DIP2C: variants seen among roughly 807,000 people sequenced by gnomAD.
The protein encoded by DIP2C is DIP2 acetate--CoA ligase C (putative).
DIP2C carries 33 observed loss-of-function variants against 192.4 expected under a neutral mutation model. The observed-to-expected ratio is 0.17, with a 90% CI of 0.13 to 0.23. The LOEUF is 0.23. Ranked by LOEUF, DIP2C falls within the 10% of genes least tolerant of loss-of-function variation. The probability of loss-of-function intolerance (pLI) is 1.00; values close to 1 mark genes in which losing one functional copy is unlikely to be tolerated. For missense variants in DIP2C, 1,537 were observed against 2,110.1 expected, an observed-to-expected ratio of 0.73 and a Z score of 5.32; for synonymous variants, 979 against 864.1, an observed-to-expected ratio of 1.13 and a Z score of -2.33.
At chr10:654,039 C>G (rs1311410336) in intron 1 of DIP2C, among the ~76,000 whole-genome samples, 1 of 152,212 alleles carries the variant, frequency 6.6e-6, no homozygotes, top group African/African-American at 2.4e-5. Context: ...ATCCACCCCT[C>G]AGGAGGTCCC....
chr10:408,537 G>A (rs771370686), intron 9 of DIP2C, among the ~76,000 whole-genome samples: 1 of 152,202 alleles, frequency 6.6e-6, no homozygotes, highest in South Asian at 2.1e-4. Flanking sequence ...TCATGCTCTT[G>A]TTGGTTTATG....
chr10:396,830 G>C (rs561299434), intron 10 of DIP2C, among the ~76,000 whole-genome samples: 56 of 65,480 alleles, frequency 8.6e-4, no homozygotes, highest in Admixed American at 3.7e-3. Context: ...ATCCGGTGGG[G>C]GGGGGGGAAA....
At chr10:613,316 C>G (rs1273259890) in intron 1 of DIP2C, among the ~76,000 whole-genome samples, 1 of 152,246 alleles carries the variant, frequency 6.6e-6, no homozygotes, top group African/African-American at 2.4e-5. Context: ...AAAACGTCAG[C>G]TAGAGCCGAT....
chr10:595,837 C>T (rs1217993876), intron 1 of DIP2C, among the ~76,000 whole-genome samples: 5 of 152,196 alleles, frequency 3.3e-5, no homozygotes, highest in Admixed American at 6.5e-5. Flanking sequence ...CAGGGTCAGC[C>T]GCACTTACTA....
At chr10:550,544 C>T (rs1564840568) in intron 1 of DIP2C, among the ~76,000 whole-genome samples, 1 of 152,136 alleles carries the variant, frequency 6.6e-6, no homozygotes, top group Non-Finnish European at 1.5e-5. Context: ...TATCAACATT[C>T]TCCCATTTAA....
intron 2 of DIP2C, among the ~76,000 whole-genome samples, chr10:483,650 T>A (rs549639485): frequency 5.9e-5 from 9 of 152,288 alleles, no homozygotes; most frequent in African/African-American, 2.2e-4. Context: ...TCTCATCAGC[T>A]CTGCCCCTTG....
At chr10:417,198 C>T (rs1401078103) in intron 6 of DIP2C, among the ~76,000 whole-genome samples, 4 of 152,042 alleles carry the variant, frequency 2.6e-5, no homozygotes, top group African/African-American at 9.7e-5. Flanking sequence ...TGGCAGATGT[C>T]AGAATTGCCT....
At chr10:494,480 A>G (rs1486019364) in intron 1 of DIP2C, among the ~76,000 whole-genome samples, 1 of 152,222 alleles carries the variant, frequency 6.6e-6, no homozygotes, top group Non-Finnish European at 1.5e-5. Flanking sequence ...TCATTTAAGC[A>G]GCTGCATAGT....
At chr10:594,052 C>A (rs1851557394) in intron 1 of DIP2C, among the ~76,000 whole-genome samples, 1 of 152,210 alleles carries the variant, frequency 6.6e-6, no homozygotes. Flanking sequence ...TTCATTATCA[C>A]AACTCACTAA....
At position 348,752 on chromosome 10, in the gene DIP2C, CAGGTCTA is replaced by C; in HGVS notation, c.3113_3119del (p.Ile1038ArgfsTer2). The C allele has an allele frequency of 6.2e-7, 1 of 1,613,584 alleles. No individual in the cohort carries two copies. Among genetic ancestry groups the C allele is most frequent in the Non-Finnish European group, 8.5e-7 (1 of 1,179,868 alleles). ...ACAGGCAACCATAAAACGCTGCTATCAGGTCTATTCCTACACAAGGAGAGAAACATCA... is the reference window on the plus strand; with the variant it reads ...ACAGGCAACCATAAAACGCTGCTATCTTCCTACACAAGGAGAGAAACATCA... On this transcript the variant is annotated frameshift_variant, in exon 26 of 37. Transcript: ENST00000280886. LOFTEE classifies it high-confidence loss of function.
intron 1 of DIP2C, among the ~76,000 whole-genome samples, chr10:559,041 A>AG (rs1849056496): frequency 6.6e-6 from 1 of 152,130 alleles, no homozygotes; most frequent in South Asian, 2.1e-4. Flanking sequence ...GAGGTTTTCA[A>AG]GGTCTTGCAA....
chr10:628,946 G>A (rs1259404492), intron 1 of DIP2C: 2 of 152,304 alleles, frequency 1.3e-5, no homozygotes, highest in Non-Finnish European at 2.9e-5. Context: ...GTGGGAAGTG[G>A]GGCTGGGACT....
chr10:502,160 A>T (rs1428468263), intron 1 of DIP2C, among the ~76,000 whole-genome samples: 1 of 152,138 alleles, frequency 6.6e-6, no homozygotes, highest in African/African-American at 2.4e-5. Context: ...TCAAATTCCC[A>T]CATCATAGTT....
intron 30 of DIP2C, among the ~76,000 whole-genome samples, chr10:327,584 A>T (rs1392213044): frequency 1.3e-5 from 2 of 152,164 alleles, no homozygotes; most frequent in Non-Finnish European, 2.9e-5. Flanking sequence ...TGTAAAAGAG[A>T]TGGGATCTTG....
chr10:571,108 G>C (rs1283615891), intron 1 of DIP2C, among the ~76,000 whole-genome samples: 2 of 152,248 alleles, frequency 1.3e-5, no homozygotes, highest in Non-Finnish European at 2.9e-5. Context: ...CTGCTCTGTA[G>C]AATGGAGACA....
rs1220855425 is a variant in DIP2C at position 390,789 on chromosome 10, G to A, written c.1335C>T (p.Cys445=). ...GVTVALTSDA[C]HKGLPKSPTG... ...TTGGGCTTTTTGGAAGTCCTTTATGGCAGGCGTCACTAGTCAAGGCTACAG... is the reference window on the plus strand; with the variant it reads ...TTGGGCTTTTTGGAAGTCCTTTATGACAGGCGTCACTAGTCAAGGCTACAG... Residue 445 remains cysteine (C), a synonymous_variant, in exon 11 of 37, where the codon TGC becomes TGT. Transcript: ENST00000280886. 8.7e-6 allele frequency: 14 copies of A among 1,614,112 alleles called. No homozygotes were observed. The highest frequency in any genetic ancestry group is 9.3e-6 in the Non-Finnish European group (11 of 1,180,020).
intron 4 of DIP2C, among the ~76,000 whole-genome samples, chr10:439,308 C>CTGGCAT (rs1967530399): frequency 6.0e-5 from 7 of 117,348 alleles, no homozygotes; most frequent in African/African-American, 4.9e-4. Flanking sequence ...TGCCAACAAC[C>CTGGCAT]TTGCTAGCAC....
At chr10:544,544 C>A (rs938070099) in intron 1 of DIP2C, among the ~76,000 whole-genome samples, 1 of 152,158 alleles carries the variant, frequency 6.6e-6, no homozygotes, top group African/African-American at 2.4e-5. Flanking sequence ...ATTTTCCTTC[C>A]CCTCCCACTA....
intron 1 of DIP2C, among the ~76,000 whole-genome samples, chr10:495,251 G>A (rs527884144): frequency 1.3e-5 from 2 of 152,212 alleles, no homozygotes; most frequent in South Asian, 2.1e-4. Context: ...GCTGGTCAAG[G>A]GCACACACTT....
Sources: allele counts gnomAD v4.1 joint callset (sites outside exome capture counted in the v4.1 genomes callset), GRCh38; gene constraint gnomAD v4.1.1; transcripts MANE v1.5; gene names NCBI Gene and HGNC (gene_info 2026-07-23, HGNC 2026-07-21).